The following PPP2R3B variants were observed in gnomAD, a reference collection of about 807,000 sequenced individuals.
PPP2R3B encodes serine/threonine-protein phosphatase 2A regulatory subunit B'' subunit beta.
PPP2R3B carries 68 observed loss-of-function variants against 72.9 expected under a neutral mutation model. The observed-to-expected ratio is 0.93, with a 90% CI of 0.77 to 1.14. The LOEUF is 1.14. PPP2R3B is among the 50% of genes most tolerant of loss of function. The pLI, the probability that PPP2R3B is intolerant of heterozygous loss-of-function variation, is 0.00. For missense variants in PPP2R3B, 1,018 were observed against 842.0 expected, an observed-to-expected ratio of 1.21 and a Z score of -2.59; for synonymous variants, 466 against 375.8, an observed-to-expected ratio of 1.24 and a Z score of -2.78.
chrX:344,566 C>G (rs1381357820), intron 7 of PPP2R3B, among the ~76,000 whole-genome samples: 1 of 152,230 alleles, frequency 6.6e-6, no homozygotes, highest in Non-Finnish European at 1.5e-5. Flanking sequence ...GCTGGGGCCG[C>G]GCCGGGCCGG....
In PPP2R3B at chrX:345,555, G is replaced by A; in HGVS notation, c.997C>T (p.Leu333Phe). 1 of 1,613,226 alleles carries A rather than the reference G, an allele frequency of 6.2e-7. No individual in the cohort carries two copies. The highest frequency in any genetic ancestry group is 8.5e-7 in the Non-Finnish European group (1 of 1,179,520). ...FWELDTDHDL[L>F]IDADDLARHN... Reference sequence around the variant, plus strand: ...CGCGCCAGGTCGTCCGCGTCGATGAGCAGGTCGTGGTCCGTGTCCAGCTCC... The same window carrying A: ...CGCGCCAGGTCGTCCGCGTCGATGAACAGGTCGTGGTCCGTGTCCAGCTCC... The change falls in exon 7 of 13, where the codon CTC becomes TTC. Residue 333 changes from leucine to phenylalanine, a missense_variant. Physicochemically the swap from Leu to Phe is conservative, Grantham distance 22 (BLOSUM62 0). Transcript: ENST00000390665.
intron 1 of PPP2R3B, among the ~76,000 whole-genome samples, chrX:371,675 C>T (rs922378476): frequency 3.9e-5 from 6 of 152,076 alleles, no homozygotes; most frequent in Non-Finnish European, 1.5e-5. Flanking sequence ...GGTGCGGCAC[C>T]CCAACACGTC....
At chrX:369,793 G>A (rs1034271863) in intron 1 of PPP2R3B, among the ~76,000 whole-genome samples, 69 of 152,366 alleles carry the variant, frequency 4.5e-4, no homozygotes, top group Non-Finnish European at 8.8e-4. Context: ...GCAGGGGGCC[G>A]GCGGAAGGGA....
At chrX:350,475 C>A (rs1250959454) in intron 2 of PPP2R3B, among the ~76,000 whole-genome samples, 1 of 152,138 alleles carries the variant, frequency 6.6e-6, no homozygotes, top group African/African-American at 2.4e-5. Flanking sequence ...CTCTGCAAGG[C>A]GAGATTCTGA....
intron 12 of PPP2R3B, chrX:335,504 C>A (rs748294598): frequency 6.6e-6 from 1 of 152,180 alleles, no homozygotes; most frequent in Non-Finnish European, 1.5e-5. Flanking sequence ...TCGGACGGGG[C>A]GGCTGATGGG....
chrX:368,520 G>A lies in PPP2R3B; in HGVS notation c.325-6930C>T, dbSNP rs759405230. On this transcript the variant is annotated intron_variant, in intron 1 of 12. Transcript: ENST00000390665. ...GCCGGGACCACCCACCTTGGGCACCGACGGGGGGAAGGACGGGACCACCCA... is the reference window on the plus strand; with the variant it reads ...GCCGGGACCACCCACCTTGGGCACCAACGGGGGGAAGGACGGGACCACCCA... Among the ~76,000 whole-genome samples, 51 of 121,412 alleles carry A rather than the reference G, an allele frequency of 4.2e-4. 1 individual carries two copies. The highest frequency in any genetic ancestry group is 6.1e-4 in the Non-Finnish European group (36 of 59,276). The allele number at this position is 121,412 out of a possible 152,430, so 79.7% of individuals were successfully genotyped here. A position where few individuals can be genotyped will look rare whatever the true frequency, so the allele number is the denominator to read the frequency against.
chrX:346,867 G>A, intron 4 of PPP2R3B, 92 bp from the exon 5 acceptor site: 2 of 1,211,590 alleles, frequency 1.7e-6, no homozygotes, highest in Non-Finnish European at 2.4e-6. Context: ...ACCCTCCCGT[G>A]AGCGATGAGG....
rs1262739906 is a variant in PPP2R3B, at chrX:334,222, GCAAT to G, written c.*141_*144del. The G allele has an allele frequency of 2.9e-6, 3 of 1,019,296 alleles. No individual in the cohort carries two copies. The highest frequency in any genetic ancestry group is 3.5e-5 in the African/African-American group (2 of 57,582). 63.1% of individuals were successfully genotyped at this position (1,019,296 alleles called of 1,614,324 possible). A position where few individuals can be genotyped will look rare whatever the true frequency, so the allele number is the denominator to read the frequency against. ...CAGGTCCAGCCACGAACCCACAGCG[GCAAT>G]CAACACGCTTCTGTGAATAAATAAA... On this transcript the variant is annotated 3_prime_UTR_variant, in exon 13 of 13. Transcript: ENST00000390665.
At chrX:354,244 C>G (rs187860365) in intron 2 of PPP2R3B, among the ~76,000 whole-genome samples, 16,306 of 59,832 alleles carry the variant, frequency 0.27, 1,432 homozygotes, top group Admixed American at 0.38. Flanking sequence ...CTCACCCAAA[C>G]ACTGGGGGCT....
intron 1 of PPP2R3B, among the ~76,000 whole-genome samples, chrX:370,423 C>T (rs959029588): frequency 2.0e-5 from 3 of 152,098 alleles, no homozygotes; most frequent in African/African-American, 4.8e-5. Context: ...TGCAGCGAGG[C>T]GTGAGTCTCC....
At chrX:347,931 C>T (rs976757812) in intron 2 of PPP2R3B, 3 of 472,604 alleles carry the variant, frequency 6.3e-6, no homozygotes, top group African/African-American at 6.1e-5. Context: ...GACCACAGAC[C>T]ACGCGTGGGC....
intron 2 of PPP2R3B, among the ~76,000 whole-genome samples, chrX:351,273 TG>T (rs2124051667): frequency 6.6e-6 from 1 of 152,232 alleles, no homozygotes; most frequent in South Asian, 2.1e-4. Flanking sequence ...ACCGGGTCCT[TG>T]GGCTAGTGCT....
At chrX:357,297 T>G (rs2738328) in intron 2 of PPP2R3B, among the ~76,000 whole-genome samples, 1 of 151,946 alleles carries the variant, frequency 6.6e-6, no homozygotes. Context: ...TTTACCAAAA[T>G]GGATCAAATT....
intron 9 of PPP2R3B, 120 bp from the exon 10 acceptor site, chrX:341,060 C>CA: frequency 7.1e-7 from 1 of 1,405,800 alleles, no homozygotes; most frequent in Non-Finnish European, 9.6e-7. Context: ...CAGCCCCCAC[C>CA]GGGCGTGCAG....
At chrX:346,525 T>TC (rs980911271) in intron 5 of PPP2R3B, 176 bp downstream of exon 5, 104 of 664,336 alleles carry the variant, frequency 1.6e-4, no homozygotes, top group African/African-American at 1.5e-3. Flanking sequence ...AAAACCAGAG[T>TC]CCCCCCAACA....
chrX:338,444 C>T (rs754862951), intron 12 of PPP2R3B, 160 bp downstream of exon 12: 12 of 711,188 alleles, frequency 1.7e-5, no homozygotes, highest in East Asian at 8.1e-5. Flanking sequence ...TCACCGGCCC[C>T]GTGTCAGGTC....
intron 8 of PPP2R3B, 41 bp from the exon 9 acceptor site, chrX:341,437 A>C: frequency 1.2e-6 from 2 of 1,601,520 alleles, no homozygotes; most frequent in Non-Finnish European, 1.7e-6. Flanking sequence ...GATGCATGTC[A>C]GGGAGAGCTT....
chrX:370,003 G>A (rs1235782699), intron 1 of PPP2R3B, among the ~76,000 whole-genome samples: 1 of 152,122 alleles, frequency 6.6e-6, no homozygotes, highest in Admixed American at 6.5e-5. Flanking sequence ...GGAAGGCAGG[G>A]CCTGCTGCAA....
intron 12 of PPP2R3B, chrX:335,779 C>T (rs1193775369): frequency 6.6e-6 from 1 of 152,240 alleles, no homozygotes; most frequent in Non-Finnish European, 1.5e-5. Flanking sequence ...GAGACGCTAT[C>T]ACTGGATTCT....
Sources: gnomAD v4.1 joint callset for allele counts (sites outside exome capture counted in the v4.1 genomes callset) on GRCh38, gnomAD v4.1.1 for gene constraint, MANE v1.5 for transcripts, NCBI Gene and HGNC (gene_info 2026-07-23, HGNC 2026-07-21) for gene names.